NFKB1: variants seen among roughly 807,000 people sequenced by gnomAD.
The protein encoded by NFKB1 is nuclear factor NF-kappa-B p105 subunit.
NFKB1 carries 9 observed loss-of-function variants against 105.1 expected under a neutral mutation model. The observed-to-expected ratio is 0.09, with a 90% CI of 0.05 to 0.15. The LOEUF (loss-of-function observed/expected upper bound fraction) is 0.15. Among genes scored for constraint, NFKB1 ranks in the 10% least tolerant of loss-of-function variants. The pLI, the probability that NFKB1 is intolerant of heterozygous loss-of-function variation, is 1.00. For missense variants in NFKB1, 830 were observed against 1,203.7 expected (o/e 0.69, Z 4.59); for synonymous variants, 440 against 442.2 (o/e 1.00, Z 0.06).
chr4:102,524,933 C>T (rs1206301638), intron 1 of NFKB1, among the ~76,000 whole-genome samples: 6 of 152,190 alleles, frequency 3.9e-5, no homozygotes, highest in African/African-American at 9.6e-5. Flanking sequence ...CTACTGCTCA[C>T]CTCTTTTTGT....
At chr4:102,539,445 A>G (rs1269414087) in intron 5 of NFKB1, among the ~76,000 whole-genome samples, 3 of 152,108 alleles carry the variant, frequency 2.0e-5, no homozygotes, top group Non-Finnish European at 4.4e-5. Flanking sequence ...ACTACTAGTC[A>G]TAGTTGCATT....
Position 102,582,921 on chromosome 4 carries a change from A to G in NFKB1, c.891A>G (p.Gly297=). ...AAGAAAATGGTGGAGTCTGGGAAGG[A>G]TTTGGAGATTTTTCCCCCACAGATG... ...EEEENGGVWE[G]FGDFSPTDVH... The change falls in exon 10 of 24, where the codon GGA becomes GGG. Residue 297 remains glycine (G), a synonymous_variant. Coordinates refer to ENST00000226574, the MANE Select transcript of NFKB1 (RefSeq NM_003998.4). The G allele has an allele frequency of 6.2e-7, 1 of 1,612,388 alleles. No homozygotes were observed. The highest frequency in any genetic ancestry group is 1.1e-5 in the South Asian group (1 of 90,898).
intron 4 of NFKB1, among the ~76,000 whole-genome samples, chr4:102,536,186 A>G (rs560130382): frequency 3.3e-5 from 5 of 152,260 alleles, no homozygotes; most frequent in African/African-American, 1.2e-4. Context: ...ATTATTTAAA[A>G]AACCAACAGT....
chr4:102,574,125 C>CTTTTTTTT (rs56977004), intron 6 of NFKB1, among the ~76,000 whole-genome samples: 6 of 93,266 alleles, frequency 6.4e-5, no homozygotes, highest in Admixed American at 1.1e-4. Context: ...TCTTGGATTC[C>CTTTTTTTT]TTTTTTTTTT....
At chr4:102,566,833 A>G (rs1453862103) in intron 5 of NFKB1, among the ~76,000 whole-genome samples, 154 bp from the exon 6 acceptor site, 1 of 152,222 alleles carries the variant, frequency 6.6e-6, no homozygotes, top group Non-Finnish European at 1.5e-5. Context: ...TCATTTGTTC[A>G]TCACATACTT....
At chr4:102,582,212 A>G (rs1246163985) in intron 9 of NFKB1, among the ~76,000 whole-genome samples, 1 of 152,180 alleles carries the variant, frequency 6.6e-6, no homozygotes, top group Non-Finnish European at 1.5e-5. Context: ...GAACTAAGAG[A>G]CTATTATAGT....
At chr4:102,597,422 G>T in intron 14 of NFKB1, 98 bp from the exon 15 acceptor site, 1 of 1,259,570 alleles carries the variant, frequency 7.9e-7, no homozygotes, top group Non-Finnish European at 1.1e-6. Flanking sequence ...ATGTCAAGGT[G>T]TCAGAACACT....
intron 6 of NFKB1, among the ~76,000 whole-genome samples, chr4:102,576,577 AT>A (rs1211322267): frequency 8.5e-5 from 13 of 152,090 alleles, no homozygotes; most frequent in Non-Finnish European, 1.6e-4. Context: ...TATAGTCTTT[AT>A]TTTTCCATTT....
intron 13 of NFKB1, among the ~76,000 whole-genome samples, chr4:102,595,596 G>A (rs1010773887): frequency 5.3e-5 from 8 of 152,152 alleles, no homozygotes; most frequent in African/African-American, 1.4e-4. Flanking sequence ...AGAAATGTTC[G>A]TACTCACTGA....
At chr4:102,503,932 T>C (rs547289914) in intron 1 of NFKB1, among the ~76,000 whole-genome samples, 1 of 152,232 alleles carries the variant, frequency 6.6e-6, no homozygotes, top group Non-Finnish European at 1.5e-5. Context: ...CAGGGATTGC[T>C]CATTGTGGTA....
chr4:102,527,425 A>C (rs230535), intron 2 of NFKB1, among the ~76,000 whole-genome samples: 105,154 of 152,036 alleles, frequency 0.69, 36,974 homozygotes, highest in African/African-American at 0.8. Context: ...ATTTTAGTGG[A>C]AATCATTTAA....
At chr4:102,533,029 C>T (rs1243903424) in intron 3 of NFKB1, among the ~76,000 whole-genome samples, 2 of 152,036 alleles carry the variant, frequency 1.3e-5, no homozygotes, top group South Asian at 2.1e-4. Flanking sequence ...GTTTTCTTTG[C>T]GTTTTTACAA....
chr4:102,531,485 A>G (rs891644410), intron 3 of NFKB1, among the ~76,000 whole-genome samples: 2 of 152,178 alleles, frequency 1.3e-5, no homozygotes, highest in Non-Finnish European at 2.9e-5. Flanking sequence ...ATTAACTTGT[A>G]ACTCTAAAAT....
intron 5 of NFKB1, among the ~76,000 whole-genome samples, chr4:102,556,071 T>G (rs1722967924): frequency 6.6e-6 from 1 of 152,138 alleles, no homozygotes. Flanking sequence ...CAGCTGAAGT[T>G]TGGCAACTGG....
chr4:102,583,553 C>A (rs1040990705), intron 10 of NFKB1, among the ~76,000 whole-genome samples: 6 of 152,078 alleles, frequency 3.9e-5, no homozygotes, highest in Admixed American at 3.9e-4. Context: ...TTTAAGTGTT[C>A]TACCAAAGTA....
intron 1 of NFKB1, 78 bp downstream of exon 1, chr4:102,501,866 C>A (rs1161606363): frequency 6.5e-6 from 1 of 152,720 alleles, no homozygotes; most frequent in Non-Finnish European, 1.5e-5. Context: ...TCCGCACCCC[C>A]TCCAGCCCCA....
chr4:102,545,123 C>G (rs912861176), intron 5 of NFKB1, among the ~76,000 whole-genome samples: 1 of 152,174 alleles, frequency 6.6e-6, no homozygotes, highest in Non-Finnish European at 1.5e-5. Flanking sequence ...CACAGAAGCA[C>G]TAAGATCCCC....
intron 3 of NFKB1, among the ~76,000 whole-genome samples, chr4:102,532,470 A>T (rs1296500469): frequency 6.6e-6 from 1 of 152,132 alleles, no homozygotes; most frequent in Non-Finnish European, 1.5e-5. Flanking sequence ...CTACTAAAAA[A>T]ATACAAAAAT....
intron 11 of NFKB1, among the ~76,000 whole-genome samples, chr4:102,585,681 A>G (rs1725653739): frequency 6.6e-6 from 1 of 152,258 alleles, no homozygotes; most frequent in African/African-American, 2.4e-5. Flanking sequence ...TGAAGCATCC[A>G]TAAAAATATA....
Sources: allele counts gnomAD v4.1 joint callset (sites outside exome capture counted in the v4.1 genomes callset), GRCh38; gene constraint gnomAD v4.1.1; transcripts MANE v1.5; gene names NCBI Gene and HGNC (gene_info 2026-07-23, HGNC 2026-07-21).